The following PKP4 variants were observed in gnomAD, a reference collection of about 807,000 sequenced individuals.
PKP4 encodes the protein plakophilin 4.
Under a neutral mutation model 145.1 loss-of-function variants are expected in PKP4, and 90 were observed. That is an observed-to-expected ratio of 0.62 (90% confidence interval 0.52 to 0.74). The LOEUF (loss-of-function observed/expected upper bound fraction) is 0.74, where lower values mean the gene tolerates loss of function less well. Among genes scored for constraint, PKP4 ranks in the 30% least tolerant of loss-of-function variants. PKP4 has a pLI of 0.00. For missense variants in PKP4, 1,340 were observed against 1,482.7 expected (o/e 0.90, Z 1.58); for synonymous variants, 563 against 577.2 (o/e 0.98, Z 0.35).
At chr2:158,519,792 T>A (rs2105559110) in intron 1 of PKP4, among the ~76,000 whole-genome samples, 1 of 152,294 alleles carries the variant, frequency 6.6e-6, no homozygotes, top group Non-Finnish European at 1.5e-5. Context: ...AAAGTTGAAA[T>A]TTATGCTCAT....
intron 1 of PKP4, among the ~76,000 whole-genome samples, chr2:158,476,928 T>C (rs1429803640): frequency 6.6e-6 from 1 of 152,196 alleles, no homozygotes; most frequent in African/African-American, 2.4e-5. Flanking sequence ...ATAATCATCA[T>C]ATTCTTACTC....
chr2:158,609,775 G>A (rs867563014), intron 4 of PKP4, among the ~76,000 whole-genome samples: 5 of 152,204 alleles, frequency 3.3e-5, no homozygotes, highest in South Asian at 2.1e-4. Flanking sequence ...AGGCAGAAGA[G>A]ATTTTCATTT....
chr2:158,531,200 CCTT>C (rs1429732045), intron 1 of PKP4, among the ~76,000 whole-genome samples: 1 of 152,234 alleles, frequency 6.6e-6, no homozygotes, highest in South Asian at 2.1e-4. Context: ...CAGTAAGGCT[CCTT>C]CTATATTAAT....
chr2:158,522,980 A>G (rs2042549048), intron 1 of PKP4, among the ~76,000 whole-genome samples: 2 of 152,030 alleles, frequency 1.3e-5, no homozygotes, highest in African/African-American at 4.8e-5. Flanking sequence ...GGAGGGTCCT[A>G]CGCCCACGGA....
At chr2:158,521,017 C>T (rs1288377296) in intron 1 of PKP4, among the ~76,000 whole-genome samples, 2 of 152,214 alleles carry the variant, frequency 1.3e-5, no homozygotes, top group African/African-American at 2.4e-5. Context: ...AGCAACCTAT[C>T]GCCTTCACAA....
intron 1 of PKP4, among the ~76,000 whole-genome samples, chr2:158,517,565 A>G (rs1110511): frequency 0.4 from 61,093 of 152,006 alleles, 13,007 homozygotes; most frequent in East Asian, 0.68. Context: ...AGTGTGGTTG[A>G]TACGTAAGTA....
chr2:158,555,009 TC>T (rs1221965558), intron 2 of PKP4, among the ~76,000 whole-genome samples: 2 of 152,224 alleles, frequency 1.3e-5, no homozygotes, highest in African/African-American at 2.4e-5. Flanking sequence ...ATGAATAGCT[TC>T]CAAAGAATAT....
At chr2:158,519,609 G>C (rs1043329792) in intron 1 of PKP4, among the ~76,000 whole-genome samples, 1 of 152,158 alleles carries the variant, frequency 6.6e-6, no homozygotes, top group South Asian at 2.1e-4. Flanking sequence ...GCCAGCCTTT[G>C]CCTCTTTGTG....
intron 19 of PKP4, 67 bp from the exon 20 acceptor site, chr2:158,676,672 T>C (rs1199586762): frequency 6.3e-7 from 1 of 1,587,478 alleles, no homozygotes; most frequent in African/African-American, 1.3e-5. Context: ...GAGAGGATTT[T>C]CCACAGATAC....
intron 11 of PKP4, among the ~76,000 whole-genome samples, chr2:158,657,005 T>C (rs2056028489): frequency 6.6e-6 from 1 of 152,164 alleles, no homozygotes; most frequent in South Asian, 2.1e-4. Context: ...CACGCTCCCA[T>C]GGACATGGGC....
chr2:158,520,269 C>T (rs577008037), intron 1 of PKP4, among the ~76,000 whole-genome samples: 26 of 152,184 alleles, frequency 1.7e-4, no homozygotes, highest in African/African-American at 5.8e-4. Context: ...ATATGTTAAC[C>T]GTGTGTTTTA....
At chr2:158,660,639 A>C (rs925671073) in intron 12 of PKP4, 5 of 152,592 alleles carry the variant, frequency 3.3e-5, no homozygotes, top group Non-Finnish European at 4.4e-5. Flanking sequence ...ATTTGGTATC[A>C]ATTTATGAAG....
At position 158,483,363 on chromosome 2, in the gene PKP4, A is replaced by G. The variant is rs190739834; in HGVS notation, c.-6+26145A>G. Among the ~76,000 whole-genome samples, 28 of 65,674 alleles carry G rather than the reference A, an allele frequency of 4.3e-4. No individual in the cohort carries two copies. The Admixed American group carries it at 4.4e-3, about 10-fold the overall frequency. 43.1% of individuals were successfully genotyped at this position (65,674 alleles called of 152,430 possible). On this transcript the variant is annotated intron_variant, in intron 1 of 21. Transcript: ENST00000389759. ...TATAAACAGATTGCTCTTCATTGCT[A>G]TGTGTTTTTTTTTTTAAATCATTTT... is the stretch of plus-strand genomic sequence containing the variant.
chr2:158,650,891 T>C (rs563556878), intron 11 of PKP4, among the ~76,000 whole-genome samples: 3 of 152,318 alleles, frequency 2.0e-5, no homozygotes, highest in African/African-American at 7.2e-5. Flanking sequence ...AACTGGCCTC[T>C]CATGCTTTGG....
At chr2:158,506,871 C>T (rs1355351765) in intron 1 of PKP4, among the ~76,000 whole-genome samples, 1 of 152,186 alleles carries the variant, frequency 6.6e-6, no homozygotes, top group Non-Finnish European at 1.5e-5. Context: ...GAGGCAATAT[C>T]ACTTTTAGGA....
At chr2:158,572,163 C>T (rs552335432) in intron 2 of PKP4, among the ~76,000 whole-genome samples, 1 of 152,038 alleles carries the variant, frequency 6.6e-6, no homozygotes, top group African/African-American at 2.4e-5. Context: ...ATGGAAAATA[C>T]TGTCTTTGAA....
chr2:158,537,063 A>C (rs2044111871), intron 2 of PKP4, among the ~76,000 whole-genome samples: 1 of 152,170 alleles, frequency 6.6e-6, no homozygotes, highest in Non-Finnish European at 1.5e-5. Context: ...TGAATAGATA[A>C]TACTTACTGT....
intron 6 of PKP4, among the ~76,000 whole-genome samples, chr2:158,624,064 G>A (rs575301867): frequency 1.2e-4 from 18 of 152,316 alleles, no homozygotes; most frequent in African/African-American, 4.3e-4. Flanking sequence ...TCTAGGCCAA[G>A]AACCCAAAAG....
chr2:158,673,922 A>G lies in PKP4; in HGVS notation c.3049A>G (p.Thr1017Ala), dbSNP rs2057785214. The G allele has an allele frequency of 6.2e-7, 1 of 1,613,242 alleles. No individual in the cohort carries two copies. The highest frequency in any genetic ancestry group is 8.5e-7 in the Non-Finnish European group (1 of 1,179,250). Residue 1017 changes from threonine to alanine, a missense_variant, in exon 19 of 22, where the codon ACA becomes GCA. Coordinates refer to ENST00000389759, the MANE Select transcript of PKP4 (RefSeq NM_003628.6). ...GAACCATTTTATTACACCTGTGTCG[A>G]CATTGGAGCGAGACCGATTCAAATC... ...NQNHFITPVS[T>A]LERDRFKSHP... is the part of the protein sequence containing the mutation.
Sources: gnomAD v4.1 joint callset for allele counts (sites outside exome capture counted in the v4.1 genomes callset) on GRCh38, gnomAD v4.1.1 for gene constraint, MANE v1.5 for transcripts, NCBI Gene and HGNC (gene_info 2026-07-23, HGNC 2026-07-21) for gene names.